TEAD1: variants seen among roughly 807,000 people sequenced by gnomAD.
TEAD1 encodes the protein transcriptional enhancer factor TEF-1.
In TEAD1, 9 loss-of-function variants were observed where a neutral mutation model predicts 54.9. That is an observed-to-expected ratio of 0.16 (90% confidence interval 0.10 to 0.29). The LOEUF is 0.29. TEAD1 is among the 10% of genes least tolerant of loss of function. TEAD1 has a pLI of 1.00. For synonymous variants in TEAD1, 200 were observed against 187.8 expected, an observed-to-expected ratio of 1.07 and a Z score of -0.53; for missense variants, 387 against 535.9, an observed-to-expected ratio of 0.72 and a Z score of 2.74.
At chr11:12,823,785 T>C (rs540673265) in intron 3 of TEAD1, 1 of 152,262 alleles carries the variant, frequency 6.6e-6, no homozygotes, top group East Asian at 1.9e-4. Context: ...AGGAAGAAGA[T>C]ACATTTCCTT....
intron 3 of TEAD1, among the ~76,000 whole-genome samples, chr11:12,860,236 A>G (rs1039703809): frequency 2.0e-5 from 3 of 152,194 alleles, no homozygotes; most frequent in African/African-American, 7.2e-5. Flanking sequence ...ATGAAAGTTA[A>G]AGCAGACCCC....
At chr11:12,685,220 C>G (rs953196143) in intron 2 of TEAD1, among the ~76,000 whole-genome samples, 2 of 152,088 alleles carry the variant, frequency 1.3e-5, no homozygotes, top group African/African-American at 4.8e-5. Flanking sequence ...AATCTGGTTT[C>G]CCAGTTCTTT....
intron 5 of TEAD1, among the ~76,000 whole-genome samples, chr11:12,869,394 G>C (rs1246937681): frequency 6.6e-6 from 1 of 152,142 alleles, no homozygotes; most frequent in Admixed American, 6.5e-5. Flanking sequence ...GGTGCTCTCT[G>C]CCTGCTCTGT....
At chr11:12,714,667 C>G (rs1029407662) in intron 2 of TEAD1, among the ~76,000 whole-genome samples, 5 of 152,168 alleles carry the variant, frequency 3.3e-5, no homozygotes, top group African/African-American at 1.2e-4. Context: ...GCACCATAGG[C>G]TGGGGATTTA....
chr11:12,843,070 C>G (rs1461331413), intron 3 of TEAD1, among the ~76,000 whole-genome samples: 1 of 152,056 alleles, frequency 6.6e-6, no homozygotes, highest in Non-Finnish European at 1.5e-5. Context: ...AATTGTTTAT[C>G]TGGGAGGATG....
rs78781272 is a variant in TEAD1, at chr11:12,875,243, G to A, written c.331-4465G>A. On this transcript the variant is annotated intron_variant, in intron 5 of 12. Transcript: ENST00000527636. ...ATAGATTAGCCTCCTCCCCTTTAGA[G>A]TGAGGATGAGTAGTGAGGATAGAGT... 8.5e-3 allele frequency among the ~76,000 whole-genome samples: 1,299 copies of A among 152,342 alleles called. 23 individuals are homozygous for A. The highest frequency in any genetic ancestry group is 0.03 in the African/African-American group (1,243 of 41,572).
At chr11:12,749,821 T>C (rs1944829122) in intron 2 of TEAD1, among the ~76,000 whole-genome samples, 1 of 152,156 alleles carries the variant, frequency 6.6e-6, no homozygotes, top group Admixed American at 6.5e-5. Flanking sequence ...TACTCACTTA[T>C]CCTGCCTCAG....
At position 12,868,979 on chromosome 11, in the gene TEAD1, A is replaced by C. The variant is rs1173279885; in HGVS notation, c.330+4079A>C. 2.0e-5 allele frequency among the ~76,000 whole-genome samples: 3 copies of C among 152,346 alleles called. No homozygotes were observed. In the East Asian group the frequency reaches 5.8e-4, roughly 29 times the overall value. On this transcript the variant is annotated intron_variant, in intron 5 of 12. Transcript: ENST00000527636. ...TGAGGGAATTAAAGCTTCATGGAGA[A>C]GTGTCATTAGAACTAAACATAGTTG...
At chr11:12,888,281 G>T (rs1948131325) in intron 9 of TEAD1, among the ~76,000 whole-genome samples, 1 of 152,216 alleles carries the variant, frequency 6.6e-6, no homozygotes, top group Non-Finnish European at 1.5e-5. Context: ...GGCCAAGGCG[G>T]GTGGGTCACT....
At chr11:12,859,971 A>G (rs1164390768) in intron 3 of TEAD1, among the ~76,000 whole-genome samples, 1 of 152,192 alleles carries the variant, frequency 6.6e-6, no homozygotes, top group Non-Finnish European at 1.5e-5. Context: ...GAGAGAGGTA[A>G]TAAACTGACT....
At chr11:12,686,188 T>C (rs181749024) in intron 2 of TEAD1, among the ~76,000 whole-genome samples, 1 of 152,350 alleles carries the variant, frequency 6.6e-6, no homozygotes, top group Admixed American at 6.5e-5. Flanking sequence ...TGATAAATTA[T>C]ATGCCTATGG....
At chr11:12,860,273 A>G (rs572466033) in intron 3 of TEAD1, among the ~76,000 whole-genome samples, 1 of 152,338 alleles carries the variant, frequency 6.6e-6, no homozygotes, top group East Asian at 1.9e-4. Context: ...TTATTCTTAA[A>G]TATGTTCTAA....
chr11:12,763,332 G>A (rs1321092204), intron 2 of TEAD1, among the ~76,000 whole-genome samples: 1 of 152,334 alleles, frequency 6.6e-6, no homozygotes, highest in South Asian at 2.1e-4. Flanking sequence ...GCTATAAGAC[G>A]GAGTGCTCCA....
chr11:12,749,421 C>A (rs982100878), intron 2 of TEAD1, among the ~76,000 whole-genome samples: 1 of 152,290 alleles, frequency 6.6e-6, no homozygotes, highest in Non-Finnish European at 1.5e-5. Flanking sequence ...CTCCGTCCAC[C>A]TTTTTCCCTA....
chr11:12,823,146 C>T (rs1480849954), intron 3 of TEAD1, among the ~76,000 whole-genome samples: 1 of 152,226 alleles, frequency 6.6e-6, no homozygotes. Context: ...TCTCCTTCAC[C>T]TTGCTAATCA....
At chr11:12,885,699 T>C in intron 9 of TEAD1, among the ~76,000 whole-genome samples, 1 of 152,332 alleles carries the variant, frequency 6.6e-6, no homozygotes, top group South Asian at 2.1e-4. Flanking sequence ...AAAATTCTCT[T>C]TTTTTAAAAG....
chr11:12,676,215 A>G (rs570139623), intron 2 of TEAD1, among the ~76,000 whole-genome samples: 2 of 152,394 alleles, frequency 1.3e-5, no homozygotes, highest in South Asian at 4.1e-4. Context: ...ATCAGTTCAC[A>G]ACAACCACAG....
intron 10 of TEAD1, among the ~76,000 whole-genome samples, chr11:12,918,143 G>C (rs919910318): frequency 6.6e-6 from 1 of 152,066 alleles, no homozygotes; most frequent in Non-Finnish European, 1.5e-5. Context: ...TTTCAGTTGG[G>C]AGGGGGGACG....
chr11:12,846,450 T>C (rs1247509422), intron 3 of TEAD1, among the ~76,000 whole-genome samples: 1 of 152,206 alleles, frequency 6.6e-6, no homozygotes, highest in Non-Finnish European at 1.5e-5. Flanking sequence ...CTCTGAGATA[T>C]CTTTACAAAG....
Sources: allele counts gnomAD v4.1 joint callset (sites outside exome capture counted in the v4.1 genomes callset), GRCh38; gene constraint gnomAD v4.1.1; transcripts MANE v1.5; gene names NCBI Gene and HGNC (gene_info 2026-07-23, HGNC 2026-07-21).